RIMS1: variants seen among roughly 807,000 people sequenced by gnomAD.
RIMS1 encodes the protein regulating synaptic membrane exocytosis protein 1.
RIMS1 carries 83 observed loss-of-function variants against 214.1 expected under a neutral mutation model. That is an observed-to-expected ratio of 0.39 (90% confidence interval 0.32 to 0.47). The LOEUF (loss-of-function observed/expected upper bound fraction) is 0.47. Ranked by LOEUF, RIMS1 falls within the 20% of genes least tolerant of loss-of-function variation. RIMS1 has a pLI of 0.99. For missense variants in RIMS1, 2,050 were observed against 2,161.8 expected, an observed-to-expected ratio of 0.95 and a Z score of 1.03; for synonymous variants, 793 against 786.8, an observed-to-expected ratio of 1.01 and a Z score of -0.13.
intron 4 of RIMS1, among the ~76,000 whole-genome samples, chr6:72,125,231 T>C (rs1448120412): frequency 1.3e-5 from 2 of 152,212 alleles, no homozygotes; most frequent in Non-Finnish European, 2.9e-5. Flanking sequence ...CTTCTAACAG[T>C]TGGGACCCTC....
At chr6:72,007,616 A>G (rs963796898) in intron 2 of RIMS1, among the ~76,000 whole-genome samples, 2 of 152,206 alleles carry the variant, frequency 1.3e-5, no homozygotes, top group African/African-American at 4.8e-5. Context: ...AACCAATGCA[A>G]AGAAGTCCTT....
chr6:71,967,215 C>T (rs540575058), intron 1 of RIMS1, among the ~76,000 whole-genome samples: 6 of 152,006 alleles, frequency 3.9e-5, no homozygotes, highest in South Asian at 2.1e-4. Flanking sequence ...GGTGAAACCC[C>T]GTCTCTACTA....
intron 2 of RIMS1, among the ~76,000 whole-genome samples, chr6:72,008,398 G>C (rs560872416): frequency 1.3e-5 from 2 of 152,292 alleles, no homozygotes; most frequent in East Asian, 3.9e-4. Context: ...GTCGAGGCTA[G>C]GAAGAAACTG....
chr6:72,109,151 C>T (rs1387371874), intron 4 of RIMS1, among the ~76,000 whole-genome samples: 5 of 152,084 alleles, frequency 3.3e-5, no homozygotes, highest in Non-Finnish European at 7.4e-5. Flanking sequence ...AATAGTGCCA[C>T]AATAAACATA....
intron 28 of RIMS1, among the ~76,000 whole-genome samples, chr6:72,324,051 G>C (rs930680502): frequency 1.3e-5 from 2 of 151,704 alleles, no homozygotes; most frequent in African/African-American, 4.8e-5. Context: ...TAGATAGATA[G>C]ATAGATAGAT....
At chr6:72,047,315 C>T (rs1025902998) in intron 2 of RIMS1, among the ~76,000 whole-genome samples, 4 of 152,084 alleles carry the variant, frequency 2.6e-5, no homozygotes, top group Admixed American at 6.6e-5. Context: ...CAAATTAATT[C>T]CCAATGCAAA....
intron 6 of RIMS1, among the ~76,000 whole-genome samples, chr6:72,206,457 T>G (rs1015575498): frequency 6.6e-6 from 1 of 152,230 alleles, no homozygotes; most frequent in Non-Finnish European, 1.5e-5. Context: ...GATATCAGTG[T>G]TATTATTATA....
chr6:72,213,372 C>A (rs2054260817), intron 6 of RIMS1: 1 of 641,112 alleles, frequency 1.6e-6, no homozygotes, highest in East Asian at 3.0e-5. Flanking sequence ...ATAAAGTTTC[C>A]AGTTACCAAC....
At position 72,314,495 on chromosome 6, in the gene RIMS1, CTT is replaced by C. The variant is rs557497384; in HGVS notation, c.4130+824_4130+825del. On this transcript the variant is annotated intron_variant, in intron 28 of 33. Transcript: ENST00000521978. ...ATGAATTGAATTTTGAAAATTCTCT[CTT>C]GTTTGTTGAAGCAAATTAAAAGTAA... Among the ~76,000 whole-genome samples the C allele has an allele frequency of 3.6e-4, 55 of 152,228 alleles. No homozygotes were observed. The East Asian group carries it at 8.7e-3, about 24-fold the overall frequency.
intron 2 of RIMS1, among the ~76,000 whole-genome samples, chr6:72,066,675 A>G (rs1829377898): frequency 6.6e-6 from 1 of 152,190 alleles, no homozygotes; most frequent in East Asian, 1.9e-4. Context: ...CAAGACTTAC[A>G]TGTGTATCTC....
intron 26 of RIMS1, among the ~76,000 whole-genome samples, chr6:72,303,682 T>C (rs933593575): frequency 6.6e-6 from 1 of 151,544 alleles, no homozygotes; most frequent in South Asian, 2.1e-4. Context: ...TAGATTAATA[T>C]TAAAAAAGCC....
chr6:72,317,351 T>C lies in RIMS1; in HGVS notation c.4130+3679T>C, dbSNP rs543509916. ...AGCGACTCTGCTGGGATCAGGCTTA[T>C]GTCGACCGCCCAGAAGTTGCCCTTG... On this transcript the variant is annotated intron_variant, in intron 28 of 33. Transcript: ENST00000521978. 15 of 228,712 alleles carry C rather than the reference T, an allele frequency of 6.6e-5. No individual in the cohort carries two copies. The South Asian group carries it at 1.3e-3, about 19-fold the overall frequency. The allele number at this position is 228,712 out of a possible 1,614,324, so 14.2% of individuals were successfully genotyped here.
intron 29 of RIMS1, among the ~76,000 whole-genome samples, chr6:72,334,634 T>G (rs1440642499): frequency 6.6e-6 from 1 of 151,934 alleles, no homozygotes. Flanking sequence ...GCAACTGTTT[T>G]TTCTCTTAAA....
intron 29 of RIMS1, among the ~76,000 whole-genome samples, chr6:72,361,607 AATT>A (rs1265610528): frequency 5.9e-5 from 9 of 152,194 alleles, no homozygotes. Context: ...ACCCTTAATT[AATT>A]AAGAGTAATT....
intron 16 of RIMS1, among the ~76,000 whole-genome samples, chr6:72,256,874 G>C (rs1434090111): frequency 1.3e-5 from 2 of 151,774 alleles, no homozygotes; most frequent in Non-Finnish European, 2.9e-5. Context: ...AAAAATTAAA[G>C]TATTTCAAAT....
chr6:72,184,097 C>T (rs2048763934), intron 6 of RIMS1, among the ~76,000 whole-genome samples: 1 of 152,160 alleles, frequency 6.6e-6, no homozygotes, highest in Non-Finnish European at 1.5e-5. Flanking sequence ...TATCATCTCC[C>T]TTTGAGCAGT....
At chr6:71,952,200 C>G (rs1275091796) in intron 1 of RIMS1, among the ~76,000 whole-genome samples, 1 of 152,128 alleles carries the variant, frequency 6.6e-6, no homozygotes, top group Non-Finnish European at 1.5e-5. Context: ...AGCTTACCTC[C>G]CACTGCTCCC....
At chr6:72,334,686 C>T (rs1450519941) in intron 29 of RIMS1, among the ~76,000 whole-genome samples, 1 of 151,854 alleles carries the variant, frequency 6.6e-6, no homozygotes, top group Non-Finnish European at 1.5e-5. Flanking sequence ...TAGCAAGAGC[C>T]TTATCACAAA....
intron 1 of RIMS1, among the ~76,000 whole-genome samples, chr6:71,943,059 A>T (rs945552159): frequency 1.3e-5 from 2 of 152,152 alleles, no homozygotes; most frequent in Admixed American, 6.5e-5. Context: ...AGTTTATTTG[A>T]ATATGTTCTC....
Sources: allele counts gnomAD v4.1 joint callset (sites outside exome capture counted in the v4.1 genomes callset), GRCh38; gene constraint gnomAD v4.1.1; transcripts MANE v1.5; gene names NCBI Gene and HGNC (gene_info 2026-07-23, HGNC 2026-07-21).